SRGAP3: variants seen among roughly 807,000 people sequenced by gnomAD.
SRGAP3 encodes the protein SLIT-ROBO Rho GTPase activating protein 3, also known as SLIT-ROBO Rho GTPase-activating protein 3.
SRGAP3 carries 39 observed loss-of-function variants against 121.1 expected under a neutral mutation model. The ratio of observed to expected loss-of-function variants is 0.32; its 90% CI spans 0.25 to 0.42. The LOEUF is 0.42. SRGAP3 is among the 10% of genes least tolerant of loss of function. The probability of loss-of-function intolerance (pLI) is 1.00; values close to 1 mark genes in which losing one functional copy is unlikely to be tolerated. For synonymous variants in SRGAP3, 601 were observed against 570.0 expected, an observed-to-expected ratio of 1.05 and a Z score of -0.77; for missense variants, 1,213 against 1,470.6, an observed-to-expected ratio of 0.82 and a Z score of 2.86.
At position 9,249,060 on chromosome 3, in the gene SRGAP3, G is replaced by C; in HGVS notation, c.-109C>G. 9.4e-7 allele frequency: 1 copy of C among 1,062,290 alleles called. No homozygotes were observed. Among genetic ancestry groups the C allele is most frequent in the East Asian group, 2.4e-5 (1 of 40,992 alleles). 65.8% of individuals were successfully genotyped at this position (1,062,290 alleles called of 1,614,324 possible). On this transcript the variant is annotated 5_prime_UTR_variant, in exon 1 of 22. Transcript: ENST00000383836. Reference sequence around the variant, plus strand: ...CACACAGCTCTGGTCGATTTCACAGGTTTAGGGACTAATCTCTTTCACTTG... The same window carrying C: ...CACACAGCTCTGGTCGATTTCACAGCTTTAGGGACTAATCTCTTTCACTTG...
At chr3:9,361,644 A>T (rs1274499896) in intron 1 of SRGAP3, among the ~76,000 whole-genome samples, 1 of 152,100 alleles carries the variant, frequency 6.6e-6, no homozygotes, top group Non-Finnish European at 1.5e-5. Flanking sequence ...ACCTCTTTAT[A>T]ACCCCTCCCT....
chr3:9,176,729 C>T (rs556494037), intron 1 of SRGAP3, among the ~76,000 whole-genome samples: 5 of 152,136 alleles, frequency 3.3e-5, no homozygotes, highest in East Asian at 1.9e-4. Context: ...AAGTGGGGGG[C>T]GGGGAGGAAC....
chr3:9,192,757 G>C (rs1269536519), intron 1 of SRGAP3: 3 of 152,232 alleles, frequency 2.0e-5, no homozygotes, highest in Non-Finnish European at 2.9e-5. Context: ...CCATCACAGA[G>C]AGTCAAACAG....
intron 3 of SRGAP3, among the ~76,000 whole-genome samples, chr3:9,102,697 C>T (rs1197849442): frequency 1.3e-5 from 2 of 152,246 alleles, no homozygotes; most frequent in South Asian, 2.1e-4. Context: ...CAGGCACAGG[C>T]CTGGTAACAA....
At chr3:9,056,677 A>C (rs1000442743) in intron 7 of SRGAP3, among the ~76,000 whole-genome samples, 8 of 152,248 alleles carry the variant, frequency 5.3e-5, no homozygotes, top group African/African-American at 1.7e-4. Context: ...AAATTGTGGC[A>C]AGAAAGCAAC....
At chr3:9,039,983 A>C (rs1944942927) in intron 10 of SRGAP3, among the ~76,000 whole-genome samples, 1 of 152,200 alleles carries the variant, frequency 6.6e-6, no homozygotes, top group Non-Finnish European at 1.5e-5. Context: ...TATCTCAATA[A>C]GTGGATATCC....
At chr3:9,148,760 T>G (rs1950110424) in intron 1 of SRGAP3, among the ~76,000 whole-genome samples, 1 of 152,174 alleles carries the variant, frequency 6.6e-6, no homozygotes, top group African/African-American at 2.4e-5. Flanking sequence ...CCTCCCCAGT[T>G]CTGGGGGCCA....
At chr3:9,032,235 C>A (rs1944522594) in intron 12 of SRGAP3, among the ~76,000 whole-genome samples, 1 of 152,202 alleles carries the variant, frequency 6.6e-6, no homozygotes. Context: ...CTGATACCCA[C>A]AGGGATTTCC....
chr3:9,300,923 G>A (rs1955043989), intron 3 of SRGAP3, among the ~76,000 whole-genome samples: 1 of 152,132 alleles, frequency 6.6e-6, no homozygotes, highest in East Asian at 1.9e-4. Flanking sequence ...ATCACATGCT[G>A]GGGAGGGGAA....
chr3:9,299,628 G>A (rs553233545), intron 3 of SRGAP3, among the ~76,000 whole-genome samples: 1 of 152,098 alleles, frequency 6.6e-6, no homozygotes, highest in Admixed American at 6.5e-5. Flanking sequence ...TCCTTGGCTC[G>A]GCCAGGTGAG....
At chr3:9,340,085 T>A (rs1575017251) in intron 1 of SRGAP3, among the ~76,000 whole-genome samples, 3 of 152,058 alleles carry the variant, frequency 2.0e-5, no homozygotes, top group African/African-American at 7.2e-5. Flanking sequence ...GGCACCAAAT[T>A]GTGCTGATTG....
chr3:9,047,697 G>T (rs966075032), intron 9 of SRGAP3, among the ~76,000 whole-genome samples: 1 of 152,226 alleles, frequency 6.6e-6, no homozygotes, highest in Admixed American at 6.5e-5. Context: ...GAGGGCTCCA[G>T]GCCTTTCAGG....
Position 9,359,220 on chromosome 3 carries a change from T to C in SRGAP3, n.214+3620A>G, listed in dbSNP as rs76488021. 2.4e-3 allele frequency among the ~76,000 whole-genome samples: 364 copies of C among 152,302 alleles called. 1 individual carries two copies. The highest frequency in any genetic ancestry group is 8.6e-3 in the African/African-American group (356 of 41,566). On this transcript the variant is annotated intron_variant and non_coding_transcript_variant, in intron 1 of 3. Transcript: ENST00000490889. ...GTCATGATCTTATAAAAGGGTCCGT[T>C]CAGGTACATTCTTGGTCTTCTTTCC...
intron 1 of SRGAP3, among the ~76,000 whole-genome samples, chr3:9,331,856 A>C (rs1457622728): frequency 6.6e-6 from 1 of 152,178 alleles, no homozygotes; most frequent in African/African-American, 2.4e-5. Flanking sequence ...AACCTTCCAA[A>C]TGAATTAACC....
At chr3:9,043,734 A>G (rs906048556) in intron 10 of SRGAP3, among the ~76,000 whole-genome samples, 4 of 152,150 alleles carry the variant, frequency 2.6e-5, no homozygotes, top group Non-Finnish European at 5.9e-5. Context: ...GTAATTTTCT[A>G]GAAAGTCAGA....
intron 1 of SRGAP3, among the ~76,000 whole-genome samples, chr3:9,335,241 G>A (rs1955672575): frequency 6.6e-6 from 1 of 152,174 alleles, no homozygotes; most frequent in Non-Finnish European, 1.5e-5. Context: ...AGTACTTGTT[G>A]CTAATGTTGA....
chr3:9,165,587 G>A (rs1479417160), intron 1 of SRGAP3, among the ~76,000 whole-genome samples: 1 of 152,102 alleles, frequency 6.6e-6, no homozygotes, highest in Non-Finnish European at 1.5e-5. Context: ...AAACCCATCT[G>A]TGAATTCTCT....
At chr3:9,230,974 G>T (rs977536020) in intron 1 of SRGAP3, among the ~76,000 whole-genome samples, 2 of 152,068 alleles carry the variant, frequency 1.3e-5, no homozygotes, top group Non-Finnish European at 2.9e-5. Flanking sequence ...CTACCCCAGG[G>T]CTCTGTTACT....
intron 1 of SRGAP3, among the ~76,000 whole-genome samples, chr3:9,241,883 C>T (rs1953651436): frequency 6.6e-6 from 1 of 151,732 alleles, no homozygotes; most frequent in Admixed American, 6.6e-5. Flanking sequence ...TCAAGACAAG[C>T]CTGGGTAACA....
Sources: gnomAD v4.1 joint callset for allele counts (sites outside exome capture counted in the v4.1 genomes callset) on GRCh38, gnomAD v4.1.1 for gene constraint, MANE v1.5 for transcripts, NCBI Gene and HGNC (gene_info 2026-07-23, HGNC 2026-07-21) for gene names.